Variants in TULP1 observed in about 807,000 individuals in gnomAD.
The protein encoded by TULP1 is tubby-related protein 1.
TULP1 carries 50 observed loss-of-function variants against 67.1 expected under a neutral mutation model. The ratio of observed to expected loss-of-function variants is 0.75; its 90% CI spans 0.59 to 0.94. The LOEUF is 0.94. TULP1 is among the 40% of genes least tolerant of loss of function. The pLI is 0.00. For synonymous variants in TULP1, 297 were observed against 294.0 expected (o/e 1.01, Z -0.11); for missense variants, 746 against 734.1 (o/e 1.02, Z -0.19).
intron 11 of TULP1, among the ~76,000 whole-genome samples, chr6:35,504,324 G>A (rs1230249075): frequency 6.6e-6 from 1 of 151,964 alleles, no homozygotes; most frequent in African/African-American, 2.4e-5. Context: ...CAGCCTGGGC[G>A]ACAGAGTAAG....
Position 35,509,905 on chromosome 6 carries a change from G to A in TULP1, c.523C>T (p.Pro175Ser). The stretch of plus-strand genomic sequence containing the variant: ...TTCCTAACACGCAGAGGTTTCGGTG[G>A]GGGGTCAGGGCTTCCCAGGTCTCCT... ...PRGDLGSPDP[P>S]PKPLRVRNKE... is the part of the protein sequence containing the mutation. Residue 175 changes from proline to serine, a missense_variant, in exon 6 of 15, where the codon CCA becomes TCA. This residue lies in a region of TULP1 where 359 missense variants were observed against 341.9 expected (regional missense o/e 1.05). Transcript: ENST00000229771. 1.2e-6 allele frequency: 2 copies of A among 1,613,842 alleles called. No individual in the cohort carries two copies. The highest frequency in any genetic ancestry group is 1.7e-6 in the Non-Finnish European group (2 of 1,180,012).
Position 35,511,666 on chromosome 6 carries a change from C to A in TULP1, c.331G>T (p.Ala111Ser). The A allele has an allele frequency of 1.3e-6, 2 of 1,595,340 alleles. No individual in the cohort carries two copies. The highest frequency in any genetic ancestry group is 1.7e-5 in the Admixed American group (1 of 58,338). ...CTCTCACCGTCCTCCGCGTCTGGGG[C>A]ACGGGCTACCAGAAAGGTTTCCCGG... is the stretch of plus-strand genomic sequence containing the variant. The part of the protein sequence containing the change: ...DPRETFLVAR[A>S]PDAEDEEEEE... Residue 111 changes from alanine (A) to serine (S), a missense_variant, in exon 4 of 15, where the codon GCC becomes TCC. By Grantham distance (99) the Ala-to-Ser change is moderately conservative (BLOSUM62 1). This residue lies in a region of TULP1 where 359 missense variants were observed against 341.9 expected (regional missense o/e 1.05). Transcript: ENST00000229771.
chr6:35,498,246 T>C lies in TULP1; in HGVS notation c.*81A>G. 6.4e-7 allele frequency: 1 copy of C among 1,566,862 alleles called. No individual in the cohort carries two copies. The highest frequency in any genetic ancestry group is 8.6e-7 in the Non-Finnish European group (1 of 1,161,780). On this transcript the variant is annotated 3_prime_UTR_variant, in exon 15 of 15. Transcript: ENST00000229771. The surrounding 1 kb of genome is among the most constrained non-coding windows in gnomAD (Gnocchi z 6.7). Reference sequence around the variant, plus strand: ...CAGGAGCAGTTTTCCGCGGGAGCTTTGCTGGAGGGACCCTGCCAGCCTCCA... The same window carrying C: ...CAGGAGCAGTTTTCCGCGGGAGCTTCGCTGGAGGGACCCTGCCAGCCTCCA...
chr6:35,509,436 A>G, intron 7 of TULP1, 124 bp from the exon 8 acceptor site: 1 of 1,135,700 alleles, frequency 8.8e-7, no homozygotes. Flanking sequence ...TGTTATTATT[A>G]GAGCCCAAAA....
chr6:35,505,173 G>T (rs1405900339), intron 11 of TULP1, among the ~76,000 whole-genome samples: 2 of 152,132 alleles, frequency 1.3e-5, no homozygotes, highest in African/African-American at 2.4e-5. Context: ...CTGACCTCAG[G>T]TGATCCACCC....
Position 35,512,485 on chromosome 6 carries a change from T to C in TULP1, c.99+154A>G, listed in dbSNP as rs1540910. 0.76 allele frequency among the ~76,000 whole-genome samples: 115,341 copies of C among 151,378 alleles called. 44,108 individuals carry two copies. The highest frequency in any genetic ancestry group is 0.82 in the African/African-American group (34,021 of 41,246). On this transcript the variant is annotated intron_variant, in intron 2 of 14. Transcript: ENST00000229771. ...CTATTCCTTCCCTGGAAACCCCAAG[T>C]CCCCAAACAGCCCTTTCTCCCCCCA... is the stretch of plus-strand genomic sequence containing the variant.
At position 35,497,972 on chromosome 6, in the gene TULP1, T is replaced by C. The variant is rs1581734179; in HGVS notation, c.*355A>G. The C allele has an allele frequency of 2.5e-6, 1 of 396,090 alleles. No individual in the cohort carries two copies. The highest frequency in any genetic ancestry group is 4.7e-6 in the Non-Finnish European group (1 of 211,420). The allele number at this position is 396,090 out of a possible 1,614,324, so 24.5% of individuals were successfully genotyped here. The stretch of plus-strand genomic sequence containing the variant: ...AGCCCGCCCCAGCTCCTCGGAGCCC[T>C]AGCGCGGTCCCGGGGAGAGGGGAGG... On this transcript the variant is annotated 3_prime_UTR_variant, in exon 15 of 15. Coordinates refer to ENST00000229771, the MANE Select transcript of TULP1 (RefSeq NM_003322.6).
At chr6:35,505,544 G>T in intron 11 of TULP1, 197 bp downstream of exon 11, 1 of 1,477,390 alleles carries the variant, frequency 6.8e-7, no homozygotes, top group Non-Finnish European at 9.1e-7. Context: ...AGACTCCCGG[G>T]CCCACCCCAC....
intron 11 of TULP1, 34 bp downstream of exon 11, chr6:35,505,707 C>A (rs1281464263): frequency 6.2e-7 from 1 of 1,612,382 alleles, no homozygotes; most frequent in East Asian, 2.2e-5. Flanking sequence ...TTTGCTGACC[C>A]AAGTCCCCCC....
At position 35,511,856 on chromosome 6, in the gene TULP1, G is replaced by A. The variant is rs575026531; in HGVS notation, c.191-50C>T. 85 of 1,483,082 alleles carry A rather than the reference G, an allele frequency of 5.7e-5. 3 individuals carry two copies. In the African/African-American group the frequency reaches 8.7e-4, roughly 15 times the overall value. The allele number at this position is 1,483,082 out of a possible 1,614,324, so 91.9% of individuals were successfully genotyped here. A position where few individuals can be genotyped will look rare whatever the true frequency, so the allele number is the denominator to read the frequency against. ...CAGGGTCCCATCCGCGGGTCCGCGAGGCAGCGCCTCTACCCGCTACCCCCA... is the reference window on the plus strand; with the variant it reads ...CAGGGTCCCATCCGCGGGTCCGCGAAGCAGCGCCTCTACCCGCTACCCCCA... On this transcript the variant is annotated intron_variant, in intron 3 of 14. Coordinates refer to ENST00000229771, the MANE Select transcript of TULP1 (RefSeq NM_003322.6).
chr6:35,509,433 A>G, intron 7 of TULP1, 121 bp from the exon 8 acceptor site: 2 of 1,140,748 alleles, frequency 1.8e-6, no homozygotes, highest in Non-Finnish European at 2.6e-6. Context: ...CCATGTTATT[A>G]TTAGAGCCCA....
chr6:35,503,767 G>T lies in TULP1; in HGVS notation c.1194C>A (p.Ser398Arg), dbSNP rs768366342. The T allele has an allele frequency of 6.2e-7, 1 of 1,613,552 alleles. No homozygotes were observed. The highest frequency in any genetic ancestry group is 1.3e-5 in the African/African-American group (1 of 75,026). ...PQRGYSTNVA[S>R]LRQELAAVIY... ...TCACAGCTGCCAGCTCCTGCCGAAG[G>T]CTTGCCACATTAGTGCTGTACCCAC... is the stretch of plus-strand genomic sequence containing the variant. Residue 398 changes from serine (S) to arginine (R), a missense_variant, in exon 12 of 15, where the codon AGC becomes AGA. Coordinates refer to ENST00000229771, the MANE Select transcript of TULP1 (RefSeq NM_003322.6). This position sits in a 1 kb window ranked among gnomAD's most constrained non-coding sequence, Gnocchi z 4.0.
intron 4 of TULP1, 45 bp from the exon 5 acceptor site, chr6:35,511,055 C>T (rs1170245350): frequency 1.9e-6 from 3 of 1,598,620 alleles, no homozygotes; most frequent in East Asian, 4.5e-5. Context: ...GCCGGGCCCT[C>T]CTTATCTGGG....
At chr6:35,508,575 C>T (rs549710099) in intron 8 of TULP1, among the ~76,000 whole-genome samples, 4 of 152,196 alleles carry the variant, frequency 2.6e-5, no homozygotes, top group Non-Finnish European at 5.9e-5. Context: ...AGTTGGACCT[C>T]CCTCTCCTGC....
chr6:35,511,736 G>C lies in TULP1; in HGVS notation c.261C>G (p.Val87=), dbSNP rs763963556. Residue 87 remains valine, a synonymous_variant, in exon 4 of 15, where the codon GTC becomes GTG. Coordinates refer to ENST00000229771, the MANE Select transcript of TULP1 (RefSeq NM_003322.6). ...CGGGGTCCCTGAGGAACCTGGCGTA[G>C]ACCGTCTGCGGCGCCCGGGCCTGGG... ...DPAQARAPQT[V]YARFLRDPEA... 1.9e-6 allele frequency: 3 copies of C among 1,588,760 alleles called. No homozygotes were observed. The highest frequency in any genetic ancestry group is 1.7e-6 in the Non-Finnish European group (2 of 1,168,010).
At chr6:35,507,788 G>A (rs1291585129) in intron 8 of TULP1, among the ~76,000 whole-genome samples, 1 of 152,286 alleles carries the variant, frequency 6.6e-6, no homozygotes, top group Admixed American at 6.5e-5. Flanking sequence ...CCACAAAGAT[G>A]TGCTGTGGTT....
intron 2 of TULP1, 82 bp downstream of exon 2, chr6:35,512,557 C>G (rs1761232774): frequency 1.3e-6 from 2 of 1,586,104 alleles, no homozygotes; most frequent in Admixed American, 3.3e-5. Context: ...GGGACCTGTC[C>G]CACCCCTAGA....
intron 8 of TULP1, 26 bp downstream of exon 8, chr6:35,509,183 A>G (rs769506410): frequency 6.2e-7 from 1 of 1,604,772 alleles, no homozygotes; most frequent in Non-Finnish European, 8.5e-7. Context: ...AAGGGACCTC[A>G]GCCCCCTGCC....
chr6:35,501,023 T>C (rs1760945137), intron 13 of TULP1, among the ~76,000 whole-genome samples: 1 of 152,236 alleles, frequency 6.6e-6, no homozygotes, highest in East Asian at 1.9e-4. Flanking sequence ...TTATCTTTCA[T>C]TGTAAATGAG....
Sources: allele counts gnomAD v4.1 joint callset (sites outside exome capture counted in the v4.1 genomes callset), GRCh38; gene constraint gnomAD v4.1.1; regional missense constraint gnomAD v4.1.1; non-coding constraint Gnocchi (gnomAD v3.1); transcripts MANE v1.5; gene names NCBI Gene and HGNC (gene_info 2026-07-23, HGNC 2026-07-21).